SLC1A3: variants seen among roughly 807,000 people sequenced by gnomAD.
SLC1A3 encodes excitatory amino acid transporter 1.
A neutral mutation model predicts 48.1 loss-of-function variants in SLC1A3; 21 were observed. The observed-to-expected ratio is 0.44, with a 90% CI of 0.31 to 0.63. SLC1A3 has a LOEUF of 0.63. Ranked by LOEUF, SLC1A3 falls within the 20% of genes least tolerant of loss-of-function variation. The pLI is 0.08. For synonymous variants in SLC1A3, 239 were observed against 251.4 expected (o/e 0.95, Z 0.47); for missense variants, 546 against 689.0 (o/e 0.79, Z 2.32).
chr5:36,681,497 C>T (rs1254381382), intron 8 of SLC1A3, among the ~76,000 whole-genome samples: 1 of 152,192 alleles, frequency 6.6e-6, no homozygotes, highest in African/African-American at 2.4e-5. Flanking sequence ...ACAGACCACA[C>T]TGACAAGTAG....
At chr5:36,674,745 G>A (rs755548042) in intron 5 of SLC1A3, among the ~76,000 whole-genome samples, 5 of 151,970 alleles carry the variant, frequency 3.3e-5, no homozygotes, top group Non-Finnish European at 7.4e-5. Flanking sequence ...GGGAAGACTC[G>A]GAATTCAAAT....
At chr5:36,685,741 A>G (rs73748849) in intron 9 of SLC1A3, among the ~76,000 whole-genome samples, 5,705 of 152,286 alleles carry the variant, frequency 0.037, 382 homozygotes, top group African/African-American at 0.13. Flanking sequence ...AAACTCCACT[A>G]TACATTCATG....
At chr5:36,674,532 T>G (rs2111945606) in intron 5 of SLC1A3, among the ~76,000 whole-genome samples, 1 of 151,680 alleles carries the variant, frequency 6.6e-6, no homozygotes, top group South Asian at 2.1e-4. Context: ...ACCAAGCACC[T>G]AATGGACTCT....
chr5:36,624,404 C>T (rs764519629), intron 2 of SLC1A3, among the ~76,000 whole-genome samples: 6 of 152,176 alleles, frequency 3.9e-5, no homozygotes, highest in Non-Finnish European at 7.3e-5. Context: ...GTATCAGGTC[C>T]ACCTCAGCCA....
intron 7 of SLC1A3, 191 bp from the exon 8 acceptor site, chr5:36,680,204 G>A: frequency 1.5e-6 from 1 of 649,010 alleles, no homozygotes. Context: ...AGAAGCAGGA[G>A]AGCTGCCAAA....
intron 3 of SLC1A3, among the ~76,000 whole-genome samples, chr5:36,638,025 C>G (rs1740462596): frequency 6.6e-6 from 1 of 152,188 alleles, no homozygotes; most frequent in African/African-American, 2.4e-5. Context: ...TCTGGCGCCA[C>G]AGTCCCCCAC....
intron 2 of SLC1A3, among the ~76,000 whole-genome samples, chr5:36,615,964 G>C (rs548318001): frequency 1.3e-5 from 2 of 152,190 alleles, no homozygotes; most frequent in Non-Finnish European, 2.9e-5. Flanking sequence ...TTGGGAGGCC[G>C]AGGCGGGTGG....
chr5:36,647,805 G>C (rs1288125210), intron 3 of SLC1A3, among the ~76,000 whole-genome samples: 2 of 152,180 alleles, frequency 1.3e-5, no homozygotes, highest in Non-Finnish European at 2.9e-5. Context: ...ATTGAAAACT[G>C]TTTTTGAGAA....
intron 3 of SLC1A3, chr5:36,670,800 A>C: frequency 1.7e-6 from 1 of 580,908 alleles, no homozygotes; most frequent in South Asian, 2.0e-5. Flanking sequence ...CTTGGGGCAG[A>C]AAATGAGTGA....
chr5:36,636,800 CT>C (rs1186868820), intron 3 of SLC1A3, among the ~76,000 whole-genome samples: 1 of 152,020 alleles, frequency 6.6e-6, no homozygotes, highest in Non-Finnish European at 1.5e-5. Flanking sequence ...TCGAAGGGAG[CT>C]TGCAGGAAGG....
intron 6 of SLC1A3, among the ~76,000 whole-genome samples, chr5:36,677,624 C>T (rs904490971): frequency 1.3e-5 from 2 of 152,216 alleles, no homozygotes; most frequent in African/African-American, 4.8e-5. Context: ...CAACCATATG[C>T]TTTAGTCACA....
At chr5:36,618,645 C>T (rs900504550) in intron 2 of SLC1A3, among the ~76,000 whole-genome samples, 2 of 152,198 alleles carry the variant, frequency 1.3e-5, no homozygotes, top group Admixed American at 6.5e-5. Flanking sequence ...AGAACAGAGG[C>T]TCTGAAAGAA....
At chr5:36,685,647 T>C (rs193299613) in intron 9 of SLC1A3, among the ~76,000 whole-genome samples, 1 of 152,368 alleles carries the variant, frequency 6.6e-6, no homozygotes, top group East Asian at 1.9e-4. Context: ...TCTGGCTTAA[T>C]ACAAGACAGT....
chr5:36,629,625 A>T, intron 3 of SLC1A3, 38 bp downstream of exon 3: 1 of 1,581,802 alleles, frequency 6.3e-7, no homozygotes, highest in Non-Finnish European at 8.7e-7. Flanking sequence ...GGTTTTTTTT[A>T]AGTGTGTTTA....
intron 4 of SLC1A3, among the ~76,000 whole-genome samples, chr5:36,673,054 C>T (rs1685599418): frequency 6.6e-6 from 1 of 152,138 alleles, no homozygotes; most frequent in Non-Finnish European, 1.5e-5. Flanking sequence ...TGCCTACAAC[C>T]AATCACTTGG....
chr5:36,611,527 T>C (rs1739196744), intron 2 of SLC1A3, among the ~76,000 whole-genome samples: 1 of 152,222 alleles, frequency 6.6e-6, no homozygotes, highest in Non-Finnish European at 1.5e-5. Context: ...TACAATTTTA[T>C]GTCATTTCTA....
In SLC1A3 at chr5:36,678,171, AG is replaced by A. The variant is rs564433051; in HGVS notation, c.860+988del. ...CAGGAAAGCATCCATTGCTAAGAAA[AG>A]TACTCAGTCACCAACATGATTAAAA... On this transcript the variant is annotated intron_variant, in intron 6 of 9. Transcript: ENST00000265113. Among the ~76,000 whole-genome samples, 157 of 152,296 alleles carry A rather than the reference AG, an allele frequency of 1.0e-3. 2 individuals are homozygous for A. Among genetic ancestry groups the A allele is most frequent in the Middle Eastern group, 3.4e-3 (1 of 294 alleles).
At chr5:36,637,944 T>A (rs954551465) in intron 3 of SLC1A3, among the ~76,000 whole-genome samples, 23 of 151,776 alleles carry the variant, frequency 1.5e-4, no homozygotes, top group African/African-American at 5.3e-4. Context: ...TATTTGTAGT[T>A]CTCTAGATGA....
chr5:36,666,757 A>G (rs930000119), intron 3 of SLC1A3, among the ~76,000 whole-genome samples: 9 of 152,340 alleles, frequency 5.9e-5, no homozygotes, highest in African/African-American at 1.9e-4. Context: ...ATTAATTATT[A>G]TACCATAAGA....
Sources: allele counts gnomAD v4.1 joint callset (sites outside exome capture counted in the v4.1 genomes callset), GRCh38; gene constraint gnomAD v4.1.1; transcripts MANE v1.5; gene names NCBI Gene and HGNC (gene_info 2026-07-23, HGNC 2026-07-21).